NRG1: variants seen among roughly 807,000 people sequenced by gnomAD.
The protein encoded by NRG1 is pro-neuregulin-1, membrane-bound isoform.
Under a neutral mutation model 63.8 loss-of-function variants are expected in NRG1, and 18 were observed. The ratio of observed to expected loss-of-function variants is 0.28; its 90% CI spans 0.19 to 0.42. The LOEUF is 0.42. Among genes scored for constraint, NRG1 ranks in the 10% least tolerant of loss-of-function variants. The probability of loss-of-function intolerance (pLI) is 1.00; values close to 1 mark genes in which losing one functional copy is unlikely to be tolerated. For synonymous variants in NRG1, 302 were observed against 301.3 expected (o/e 1.00, Z -0.02); for missense variants, 762 against 814.7 (o/e 0.94, Z 0.79).
chr8:32,208,623 A>G (rs1257372948), intron 1 of NRG1, among the ~76,000 whole-genome samples: 2 of 152,190 alleles, frequency 1.3e-5, no homozygotes, highest in Non-Finnish European at 2.9e-5. Context: ...AAATATATAT[A>G]GCCTAAGAAA....
intron 2 of NRG1, among the ~76,000 whole-genome samples, chr8:32,599,783 A>G (rs549335809): frequency 6.6e-6 from 1 of 152,198 alleles, no homozygotes; most frequent in Non-Finnish European, 1.5e-5. Context: ...TTTATTAAAG[A>G]CTGGCTTCCT....
chr8:32,716,883 C>A (rs973323609), intron 5 of NRG1, among the ~76,000 whole-genome samples: 8 of 151,628 alleles, frequency 5.3e-5, no homozygotes, highest in Non-Finnish European at 1.2e-4. Context: ...GATGCAGAAC[C>A]CCAATTTTTT....
intron 11 of NRG1, chr8:32,760,817 TG>T: frequency 1.9e-5 from 19 of 1,018,886 alleles, no homozygotes; most frequent in Non-Finnish European, 2.1e-5. Context: ...GTGGTCGAGC[TG>T]GCCTCGTGTT....
intron 1 of NRG1, among the ~76,000 whole-genome samples, chr8:31,805,849 T>C (rs1230360976): frequency 7.6e-6 from 1 of 132,376 alleles, no homozygotes; most frequent in African/African-American, 2.8e-5. Flanking sequence ...AAAAAAAAGA[T>C]GAAGCGAATA....
chr8:32,378,117 T>A (rs1042735962), intron 1 of NRG1, among the ~76,000 whole-genome samples: 2 of 151,942 alleles, frequency 1.3e-5, no homozygotes, highest in African/African-American at 2.4e-5. Context: ...ACTGAGAGAA[T>A]TGAGCTGGTT....
intron 1 of NRG1, among the ~76,000 whole-genome samples, chr8:32,519,567 A>G (rs1351985971): frequency 6.6e-6 from 1 of 152,152 alleles, no homozygotes. Context: ...TACACAAACC[A>G]GATTTCCCCT....
intron 1 of NRG1, among the ~76,000 whole-genome samples, chr8:32,009,478 TG>T (rs1405601298): frequency 6.6e-6 from 1 of 151,820 alleles, no homozygotes; most frequent in Admixed American, 6.6e-5. Context: ...AAATTCTAGT[TG>T]GGGGAGACAT....
intron 1 of NRG1, among the ~76,000 whole-genome samples, chr8:31,739,192 G>T (rs1335986032): frequency 6.6e-6 from 1 of 152,066 alleles, no homozygotes; most frequent in Non-Finnish European, 1.5e-5. Context: ...ACAAAGCCAG[G>T]TCTGATAAAG....
intron 9 of NRG1, 103 bp from the exon 10 acceptor site, chr8:32,759,203 G>A (rs1309899120): frequency 1.6e-6 from 2 of 1,270,530 alleles, no homozygotes; most frequent in Admixed American, 2.3e-5. Flanking sequence ...ATAGATTTGT[G>A]TGTTTCTGAC....
At position 32,196,777 on chromosome 8, in the gene NRG1, G is replaced by C. The variant is rs35490139; in HGVS notation, c.38-399051G>C. Among the ~76,000 whole-genome samples, 189 of 151,932 alleles carry C rather than the reference G, an allele frequency of 1.2e-3. 3 individuals are homozygous for C. In the East Asian group the frequency reaches 0.032, roughly 26 times the overall value. On this transcript the variant is annotated intron_variant, in intron 1 of 10. Coordinates refer to the NRG1 transcript ENST00000519301. ...GTATGTCTCAATCAACATACTCAAA[G>C]TCTGTGAACCAAAGGCATAGTCTTA...
At chr8:32,233,958 T>C (rs542355506) in intron 1 of NRG1, among the ~76,000 whole-genome samples, 41 of 152,306 alleles carry the variant, frequency 2.7e-4, no homozygotes, top group Non-Finnish European at 5.0e-4. Context: ...CATTAAGGAA[T>C]GTCTGAAACA....
intron 1 of NRG1, among the ~76,000 whole-genome samples, chr8:31,864,805 A>G (rs2129610848): frequency 6.6e-6 from 1 of 152,262 alleles, no homozygotes; most frequent in South Asian, 2.1e-4. Context: ...TGTAGAGAGC[A>G]GATTGGTGGA....
chr8:32,358,274 G>T lies in NRG1; in HGVS notation c.38-237554G>T, dbSNP rs16879268. Among the ~76,000 whole-genome samples the T allele has an allele frequency of 1.0e-3, 154 of 150,662 alleles. 1 individual carries two copies. The highest frequency in any genetic ancestry group is 3.6e-3 in the African/African-American group (146 of 41,006). Reference sequence around the variant, plus strand: ...AATGCCTCCTGCTGACTTCTTTTACGTGGGAGAGTAAGCATTTGTGCATTT... The same window carrying T: ...AATGCCTCCTGCTGACTTCTTTTACTTGGGAGAGTAAGCATTTGTGCATTT... On this transcript the variant is annotated intron_variant, in intron 1 of 10. Transcript: ENST00000519301.
chr8:32,354,013 A>G (rs1806000361), intron 1 of NRG1, among the ~76,000 whole-genome samples: 1 of 152,238 alleles, frequency 6.6e-6, no homozygotes, highest in South Asian at 2.1e-4. Context: ...TGAACAATTG[A>G]CACATGCTAC....
At chr8:32,432,867 G>A (rs185450121) in intron 1 of NRG1, among the ~76,000 whole-genome samples, 81 of 152,212 alleles carry the variant, frequency 5.3e-4, no homozygotes, top group African/African-American at 1.8e-3. Flanking sequence ...TCAGCAAGTC[G>A]CATTCGGGTG....
intron 1 of NRG1, among the ~76,000 whole-genome samples, chr8:32,067,303 C>T (rs1825003331): frequency 6.6e-6 from 1 of 152,110 alleles, no homozygotes; most frequent in Non-Finnish European, 1.5e-5. Flanking sequence ...TTTGCCCATT[C>T]AGTATGATAT....
intron 1 of NRG1, among the ~76,000 whole-genome samples, chr8:32,529,066 AT>A (rs1831178349): frequency 6.6e-6 from 1 of 152,192 alleles, no homozygotes; most frequent in Admixed American, 6.5e-5. Flanking sequence ...CATAGGGTAT[AT>A]TTACACAAAC....
At chr8:31,647,067 C>G (rs917876715) in intron 1 of NRG1, among the ~76,000 whole-genome samples, 12 of 152,342 alleles carry the variant, frequency 7.9e-5, no homozygotes, top group South Asian at 4.1e-4. Flanking sequence ...ACCCTTACCA[C>G]TGTTTTCAGC....
intron 1 of NRG1, among the ~76,000 whole-genome samples, chr8:31,655,117 A>C (rs1471560538): frequency 1.3e-5 from 2 of 152,212 alleles, no homozygotes; most frequent in African/African-American, 4.8e-5. Context: ...ATTGCTAAAC[A>C]AATGTAGGTG....
Sources: allele counts gnomAD v4.1 joint callset (sites outside exome capture counted in the v4.1 genomes callset), GRCh38; gene constraint gnomAD v4.1.1; transcripts MANE v1.5; gene names NCBI Gene and HGNC (gene_info 2026-07-23, HGNC 2026-07-21).